Variants in DNAH3 observed in about 807,000 individuals in gnomAD.
The protein encoded by DNAH3 is axonemal beta dynein heavy chain 3.
A neutral mutation model predicts 432.5 loss-of-function variants in DNAH3; 332 were observed. The ratio of observed to expected loss-of-function variants is 0.77; its 90% confidence interval spans 0.70 to 0.84. The LOEUF is 0.84. Ranked by LOEUF, DNAH3 falls within the 40% of genes least tolerant of loss-of-function variation. The pLI is 0.00. For synonymous variants in DNAH3, 1,956 were observed against 1,900.2 expected (o/e 1.03, Z -0.76); for missense variants, 4,861 against 5,114.0 (o/e 0.95, Z 1.51).
exon 43 of DNAH3, chr16:21,000,507 G>A (rs2086968001): frequency 1.9e-6 from 3 of 1,604,456 alleles, no homozygotes; most frequent in Non-Finnish European, 2.6e-6. Flanking sequence ...TGGGGATGAT[G>A]AGTTCTGAGA....
intron 47 of DNAH3, 126 bp from the exon 48 acceptor site, chr16:20,985,841 G>T: frequency 1.0e-6 from 1 of 955,792 alleles, no homozygotes. Flanking sequence ...CAAGGTCATG[G>T]GTCATCAGTT....
At position 20,955,225 on chromosome 16, in the gene DNAH3, C is replaced by T. The variant is rs140298347; in HGVS notation, c.10827-168G>A. The stretch of plus-strand genomic sequence containing the variant: ...TTATTGATAAATTAAAAAAAAATAA[C>T]AAAAAAGAATAGCTATGATTAAATA... On this transcript the variant is annotated intron_variant, in intron 54 of 61. Transcript: ENST00000261383. 3.5e-3 allele frequency among the ~76,000 whole-genome samples: 526 copies of T among 152,026 alleles called. 5 individuals are homozygous for T. The highest frequency in any genetic ancestry group is 0.012 in the African/African-American group (503 of 41,492).
At chr16:20,934,879 T>C (rs1355434992) in intron 61 of DNAH3, among the ~76,000 whole-genome samples, 2 of 152,192 alleles carry the variant, frequency 1.3e-5, no homozygotes, top group Non-Finnish European at 2.9e-5. Context: ...ACCTCTGGAC[T>C]AGATGATTTC....
rs1273129714 is a variant in DNAH3 at position 21,020,310 on chromosome 16, T to C, written c.5777-441A>G. On this transcript the variant is annotated intron_variant, in intron 40 of 61. Coordinates refer to ENST00000261383, the Ensembl canonical transcript of DNAH3. ...ATGCTAGGATTACAGCCGTGAGCAA[T>C]ATTTTTATTTTTACTGCTGTATAAT... 3.0e-5 allele frequency among the ~76,000 whole-genome samples: 4 copies of C among 135,214 alleles called. No homozygotes were observed. In the East Asian group the frequency reaches 8.7e-4, roughly 30 times the overall value. The allele number at this position is 135,214 out of a possible 152,430, so 88.7% of individuals were successfully genotyped here.
intron 5 of DNAH3, among the ~76,000 whole-genome samples, chr16:21,138,256 A>G (rs993917519): frequency 6.6e-6 from 1 of 151,996 alleles, no homozygotes; most frequent in South Asian, 2.1e-4. Context: ...TCAAAAAAAA[A>G]AAAGAAAAGA....
At chr16:21,124,449 T>C (rs2092405124) in intron 9 of DNAH3, among the ~76,000 whole-genome samples, 1 of 152,186 alleles carries the variant, frequency 6.6e-6, no homozygotes, top group African/African-American at 2.4e-5. Context: ...AAGTTTGCCA[T>C]GTATTTAAGG....
intron 47 of DNAH3, 126 bp downstream of exon 47, chr16:20,987,178 CT>C (rs2086238247): frequency 8.4e-7 from 1 of 1,185,902 alleles, no homozygotes; most frequent in Admixed American, 2.3e-5. Flanking sequence ...TGACTCAATA[CT>C]GTTTCCCGAG....
chr16:20,977,319 G>A, intron 50 of DNAH3, among the ~76,000 whole-genome samples: 1 of 152,180 alleles, frequency 6.6e-6, no homozygotes, highest in South Asian at 2.1e-4. Flanking sequence ...GGAGGTTGCA[G>A]TGAGTCAAGA....
chr16:21,153,837 C>T (rs1056700673), intron 1 of DNAH3, among the ~76,000 whole-genome samples: 10 of 152,180 alleles, frequency 6.6e-5, no homozygotes, highest in African/African-American at 2.4e-4. Flanking sequence ...CACAATAGAA[C>T]CAAGTACTTC....
At chr16:21,137,515 C>A (rs369777727) in intron 5 of DNAH3, among the ~76,000 whole-genome samples, 1 of 151,716 alleles carries the variant, frequency 6.6e-6, no homozygotes, top group Non-Finnish European at 1.5e-5. Context: ...CTCTGCCTCC[C>A]GGGTTCAAGC....
chr16:21,021,318 T>G (rs2088206707), intron 40 of DNAH3, among the ~76,000 whole-genome samples: 1 of 152,170 alleles, frequency 6.6e-6, no homozygotes. Context: ...TAATCTCTTA[T>G]CAGAGAGGAG....
intron 1 of DNAH3, among the ~76,000 whole-genome samples, chr16:21,154,233 G>A (rs537927978): frequency 5.5e-4 from 83 of 152,258 alleles, no homozygotes; most frequent in African/African-American, 1.8e-3. Context: ...GTGAAACCCC[G>A]TCTCTACTAA....
chr16:21,009,904 A>AGAGGAGAG (rs2087500094), intron 41 of DNAH3, among the ~76,000 whole-genome samples: 2 of 102,596 alleles, frequency 1.9e-5, no homozygotes, highest in Non-Finnish European at 3.6e-5. Flanking sequence ...AGAGGAGAGG[A>AGAGGAGAG]GAGGAGAGGA....
intron 21 of DNAH3, among the ~76,000 whole-genome samples, chr16:21,072,728 C>T (rs189543223): frequency 1.1e-4 from 16 of 152,116 alleles, no homozygotes; most frequent in Admixed American, 3.3e-4. Context: ...TTACTGCAGC[C>T]TCAAATTCCT....
At chr16:21,033,077 C>T (rs1199754244) in intron 36 of DNAH3, among the ~76,000 whole-genome samples, 1 of 152,074 alleles carries the variant, frequency 6.6e-6, no homozygotes, top group Non-Finnish European at 1.5e-5. Flanking sequence ...AGTGATCCGC[C>T]CGCCTTGGCC....
In DNAH3 at chr16:21,042,334, A is replaced by C. The variant is rs16970838; in HGVS notation, c.4462-131T>G. The C allele has an allele frequency of 1.3e-3, 1,090 of 853,076 alleles. 5 individuals are homozygous for C. The African/African-American group carries it at 0.017, about 13-fold the overall frequency. The allele number at this position is 853,076 out of a possible 1,614,324, so 52.8% of individuals were successfully genotyped here. A position where few individuals can be genotyped will look rare whatever the true frequency, so the allele number is the denominator to read the frequency against. On this transcript the variant is annotated intron_variant, in intron 31 of 61. Coordinates refer to ENST00000261383, the Ensembl canonical transcript of DNAH3. ...AAACCGCACCTGCACATTCAAAATT[A>C]GGAGCATGATTTGGGGTTTTGGTAA...
intron 42 of DNAH3, among the ~76,000 whole-genome samples, chr16:21,001,097 AC>A (rs1162193587): frequency 6.6e-6 from 1 of 152,140 alleles, no homozygotes; most frequent in Non-Finnish European, 1.5e-5. Context: ...ATTTTTTACA[AC>A]ACTCACATTC....
intron 39 of DNAH3, 103 bp from the exon 40 acceptor site, chr16:21,022,203 G>T: frequency 1.6e-6 from 2 of 1,253,818 alleles, no homozygotes; most frequent in Non-Finnish European, 1.1e-6. Context: ...TGGTTAGACT[G>T]CTGATTTAAA....
At chr16:21,109,309 C>T (rs1033141280) in intron 14 of DNAH3, among the ~76,000 whole-genome samples, 2 of 152,052 alleles carry the variant, frequency 1.3e-5, no homozygotes, top group African/African-American at 4.8e-5. Context: ...ACTGCCTAAC[C>T]TGTCAGAGTC....
Sources: allele counts gnomAD v4.1 joint callset (sites outside exome capture counted in the v4.1 genomes callset), GRCh38; gene constraint gnomAD v4.1.1; transcripts MANE v1.5; gene names NCBI Gene and HGNC (gene_info 2026-07-23, HGNC 2026-07-21).